IGSF10: variants seen among roughly 807,000 people sequenced by gnomAD.
IGSF10 encodes calvaria mechanical force protein 608.
A neutral mutation model predicts 128.2 loss-of-function variants in IGSF10; 126 were observed. The ratio of observed to expected loss-of-function variants is 0.98; its 90% CI spans 0.85 to 1.14. The LOEUF (loss-of-function observed/expected upper bound fraction) is 1.14, where lower values mean the gene tolerates loss of function less well. IGSF10 is among the 50% of genes most tolerant of loss of function. IGSF10 has a pLI of 0.00. For missense variants in IGSF10, 3,295 were observed against 3,149.8 expected, an observed-to-expected ratio of 1.05 and a Z score of -1.10; for synonymous variants, 1,185 against 1,146.2, an observed-to-expected ratio of 1.03 and a Z score of -0.68.
the IGSF10 span, among the ~76,000 whole-genome samples, chr3:151,509,217 C>T: frequency 6.6e-6 from 1 of 152,272 alleles, no homozygotes. Flanking sequence ...GCTAACCAAG[C>T]ACAACAAAAT....
the IGSF10 span, among the ~76,000 whole-genome samples, chr3:151,591,154 G>A: frequency 1.7e-3 from 261 of 151,694 alleles, 2 homozygotes; most frequent in Middle Eastern, 3.4e-3. Flanking sequence ...CAGAACATTC[G>A]GCTAAAAGAA....
the IGSF10 span, among the ~76,000 whole-genome samples, chr3:151,579,875 A>AAAGGAAGGAAGGAAGG: frequency 4.0e-3 from 487 of 121,880 alleles, 9 homozygotes; most frequent in African/African-American, 0.012. Context: ...GGGAGGAAGG[A>AAAGGAAGGAAGGAAGG]AAGGAAGGAA....
chr3:151,435,609 A>G (rs1270525886), downstream of IGSF10: 4 of 111,366 alleles, frequency 3.6e-5, no homozygotes, highest in African/African-American at 1.3e-4. Context: ...CCCATTTATA[A>G]AGCTCCTATA....
chr3:151,441,079 CAG>C lies in IGSF10; in HGVS notation c.5963+1903_5963+1904del, dbSNP rs745513019. On this transcript the variant is annotated intron_variant, in intron 7 of 7. Coordinates refer to ENST00000282466, the MANE Select transcript of IGSF10 (RefSeq NM_178822.5). Reference sequence around the variant, plus strand: ...AACAGATTGCTTATTAAAACAAAATCAGAGCTCCTGATTCAACAAATTCCCAG... The same window carrying C: ...AACAGATTGCTTATTAAAACAAAATCAGCTCCTGATTCAACAAATTCCCAG... Among the ~76,000 whole-genome samples, 75 of 152,182 alleles carry C rather than the reference CAG, an allele frequency of 4.9e-4. 1 individual carries two copies. Among genetic ancestry groups the C allele is most frequent in the Middle Eastern group, 3.2e-3 (1 of 316 alleles).
the IGSF10 span, among the ~76,000 whole-genome samples, chr3:151,545,574 A>C: frequency 6.6e-6 from 1 of 152,218 alleles, no homozygotes; most frequent in Non-Finnish European, 1.5e-5. Context: ...CTAAGTTTCC[A>C]TAGGGAAAAT....
In IGSF10 at chr3:151,437,789, G is replaced by GT. The variant is rs754584576; in HGVS notation, c.6771dup (p.His2258ThrfsTer3). The GT allele has an allele frequency of 4.3e-6, 7 of 1,613,666 alleles. No individual in the cohort carries two copies. The highest frequency in any genetic ancestry group is 3.3e-5 in the Admixed American group (2 of 60,000). The stretch of plus-strand genomic sequence containing the variant: ...GTCCCTTCAGCTCTGCAGTCAAAGT[G>GT]TTTTTTGGAATGTCTCACAGCTGTG... On this transcript the variant is annotated frameshift_variant, in exon 8 of 8. Coordinates refer to ENST00000282466, the MANE Select transcript of IGSF10 (RefSeq NM_178822.5). LOFTEE classifies it low-confidence loss of function (END_TRUNC).
chr3:151,453,237 G>A (rs1039346745), intron 5 of IGSF10, 147 bp downstream of exon 5: 6 of 657,614 alleles, frequency 9.1e-6, no homozygotes, highest in African/African-American at 9.1e-5. Flanking sequence ...AGCCATAGAT[G>A]ATGTGTAAAT....
chr3:151,448,199 T>A lies in IGSF10; in HGVS notation c.1782A>T (p.Pro594=). The A allele has an allele frequency of 6.2e-7, 1 of 1,613,334 alleles. No homozygotes were observed. The highest frequency in any genetic ancestry group is 8.5e-7 in the Non-Finnish European group (1 of 1,180,044). The change falls in exon 6 of 8, where the codon CCA becomes CCT. Residue 594 remains proline (P), a synonymous_variant. Coordinates refer to ENST00000282466, the MANE Select transcript of IGSF10 (RefSeq NM_178822.5). ...TVFIGETLDL[P]CHSTGIPDAS... is the part of the protein sequence containing the mutation. ...CATCTGGGATACCAGTAGAATGGCATGGAAGATCAAGTGTTTCACCAATGA... is the reference window on the plus strand; with the variant it reads ...CATCTGGGATACCAGTAGAATGGCAAGGAAGATCAAGTGTTTCACCAATGA...
At chr3:151,530,397 C>A in the IGSF10 span, among the ~76,000 whole-genome samples, 2 of 151,958 alleles carry the variant, frequency 1.3e-5, no homozygotes, top group Non-Finnish European at 2.9e-5. Flanking sequence ...AGAGCAACCC[C>A]AAGACACATA....
chr3:151,450,509 T>A (rs953359501), intron 5 of IGSF10, among the ~76,000 whole-genome samples: 4 of 152,206 alleles, frequency 2.6e-5, no homozygotes, highest in African/African-American at 7.2e-5. Flanking sequence ...ATGTCACAGA[T>A]GCCTGACCAG....
chr3:151,493,628 A>G, the IGSF10 span, among the ~76,000 whole-genome samples: 1 of 152,176 alleles, frequency 6.6e-6, no homozygotes, highest in Non-Finnish European at 1.5e-5. Flanking sequence ...CCTACAAGCA[A>G]TAAAACATTC....
At chr3:151,597,644 AG>A in the IGSF10 span, among the ~76,000 whole-genome samples, 1 of 152,156 alleles carries the variant, frequency 6.6e-6, no homozygotes, top group African/African-American at 2.4e-5. Flanking sequence ...AGGCTGCTTG[AG>A]GTGGCCCACG....
chr3:151,588,498 A>G, the IGSF10 span, among the ~76,000 whole-genome samples: 406 of 152,308 alleles, frequency 2.7e-3, no homozygotes, highest in African/African-American at 9.5e-3. Flanking sequence ...AATCTTAGAA[A>G]AATTGGGAAA....
chr3:151,521,642 T>A, the IGSF10 span, among the ~76,000 whole-genome samples: 2 of 151,846 alleles, frequency 1.3e-5, no homozygotes, highest in Middle Eastern at 3.4e-3. Context: ...AAGCAGAAAT[T>A]AAGAAGTTAT....
chr3:151,484,971 G>A, the IGSF10 span, among the ~76,000 whole-genome samples: 1 of 152,174 alleles, frequency 6.6e-6, no homozygotes, highest in Non-Finnish European at 1.5e-5. Flanking sequence ...ATTGACAGAA[G>A]TAGGTTTCAG....
chr3:151,594,621 CCTTT>C, the IGSF10 span, among the ~76,000 whole-genome samples: 1 of 148,182 alleles, frequency 6.7e-6, no homozygotes, highest in Non-Finnish European at 1.5e-5. Context: ...CGCGCCCGGC[CCTTT>C]TTTTTTTTTT....
At chr3:151,482,181 GTAAC>G in the IGSF10 span, among the ~76,000 whole-genome samples, 2 of 152,170 alleles carry the variant, frequency 1.3e-5, no homozygotes, top group Non-Finnish European at 2.9e-5. Flanking sequence ...TGATTCTTCA[GTAAC>G]TAACCCTAAA....
the IGSF10 span, among the ~76,000 whole-genome samples, chr3:151,510,975 A>G: frequency 0.021 from 3,133 of 152,332 alleles, 106 homozygotes; most frequent in African/African-American, 0.071. Flanking sequence ...GAAAAGACCA[A>G]ATCTACGTCT....
the IGSF10 span, among the ~76,000 whole-genome samples, chr3:151,518,785 G>T: frequency 1.3e-5 from 2 of 152,010 alleles, no homozygotes; most frequent in African/African-American, 4.8e-5. Context: ...TGAAAGTTGG[G>T]TATTGATAAC....
Sources: allele counts gnomAD v4.1 joint callset (sites outside exome capture counted in the v4.1 genomes callset), GRCh38; gene constraint gnomAD v4.1.1; transcripts MANE v1.5; gene names NCBI Gene and HGNC (gene_info 2026-07-23, HGNC 2026-07-21).